The following HDAC9 variants were observed in gnomAD, a reference collection of about 807,000 sequenced individuals.
The protein encoded by HDAC9 is histone deacetylase 9.
In HDAC9, 41 loss-of-function variants were observed where a neutral mutation model predicts 139.4. That is an observed-to-expected ratio of 0.29 (90% CI 0.23 to 0.38). HDAC9 has a LOEUF of 0.38. Ranked by LOEUF, HDAC9 falls within the 10% of genes least tolerant of loss-of-function variation. HDAC9 has a pLI of 1.00. For missense variants in HDAC9, 1,147 were observed against 1,297.0 expected (o/e 0.88, Z 1.78); for synonymous variants, 517 against 476.2 (o/e 1.09, Z -1.12).
At chr7:18,261,390 G>T (rs1411929886) in intron 2 of HDAC9, among the ~76,000 whole-genome samples, 1 of 152,118 alleles carries the variant, frequency 6.6e-6, no homozygotes, top group Non-Finnish European at 1.5e-5. Context: ...ATGCTTCTGT[G>T]AATCCAGTAC....
intron 17 of HDAC9, among the ~76,000 whole-genome samples, chr7:18,796,176 T>C (rs538759173): frequency 6.6e-6 from 1 of 152,200 alleles, no homozygotes; most frequent in South Asian, 2.1e-4. Context: ...TGTGCCTGGA[T>C]ATAGTGTGGA....
intron 16 of HDAC9, among the ~76,000 whole-genome samples, chr7:18,789,311 GTC>G (rs562617790): frequency 1.4e-4 from 16 of 112,092 alleles, no homozygotes; most frequent in Non-Finnish European, 2.6e-4. Context: ...CACACACACA[GTC>G]TCTCTCTCTC....
At chr7:18,905,546 C>G (rs1228923164) in intron 22 of HDAC9, among the ~76,000 whole-genome samples, 2 of 152,090 alleles carry the variant, frequency 1.3e-5, no homozygotes, top group African/African-American at 4.8e-5. Context: ...AAGATTATTG[C>G]CACAGCTCAA....
intron 17 of HDAC9, among the ~76,000 whole-genome samples, chr7:18,817,780 T>C (rs1794682612): frequency 6.6e-6 from 1 of 152,212 alleles, no homozygotes; most frequent in Admixed American, 6.5e-5. Flanking sequence ...AGCATAGTCA[T>C]AGAAACTGCA....
At chr7:18,882,547 A>G (rs1799812456) in intron 22 of HDAC9, among the ~76,000 whole-genome samples, 1 of 152,078 alleles carries the variant, frequency 6.6e-6, no homozygotes, top group South Asian at 2.1e-4. Context: ...GAATTAAAGG[A>G]GAGTAAACAA....
At chr7:18,117,227 C>T (rs1334591374) in intron 1 of HDAC9, among the ~76,000 whole-genome samples, 1 of 152,006 alleles carries the variant, frequency 6.6e-6, no homozygotes, top group Non-Finnish European at 1.5e-5. Flanking sequence ...GTAGGGTGGC[C>T]TATCAATCCA....
chr7:18,648,754 G>C (rs757405827), intron 11 of HDAC9, 71 bp downstream of exon 11: 97 of 1,291,424 alleles, frequency 7.5e-5, no homozygotes, highest in Non-Finnish European at 1.0e-4. Flanking sequence ...CACTGATATG[G>C]GTGTCTAAGA....
intron 16 of HDAC9, among the ~76,000 whole-genome samples, chr7:18,781,341 C>T (rs1267868586): frequency 6.6e-6 from 1 of 152,004 alleles, no homozygotes; most frequent in Non-Finnish European, 1.5e-5. Context: ...AGCTCTTCAT[C>T]TCATCAACTA....
chr7:18,155,688 CTG>C (rs1376921231), intron 1 of HDAC9, among the ~76,000 whole-genome samples: 1 of 152,084 alleles, frequency 6.6e-6, no homozygotes, highest in East Asian at 1.9e-4. Flanking sequence ...AGCACAGAGA[CTG>C]TGTGTTAGAT....
rs117848747 is a variant in HDAC9, at chr7:18,319,374, T to A, written c.-42+28859T>A. ...AGTTTAAAATTAGGCACAATGTATCTACAAATAAAAGCTCATCTAGCAACC... is the reference window on the plus strand; with the variant it reads ...AGTTTAAAATTAGGCACAATGTATCAACAAATAAAAGCTCATCTAGCAACC... On this transcript the variant is annotated intron_variant, in intron 1 of 3. Transcript: ENST00000413509. Among the ~76,000 whole-genome samples the A allele has an allele frequency of 1.0e-3, 153 of 152,314 alleles. 1 individual carries two copies. The East Asian group carries it at 0.024, about 24-fold the overall frequency.
intron 3 of HDAC9, among the ~76,000 whole-genome samples, chr7:18,589,065 G>A (rs1830228309): frequency 6.6e-6 from 1 of 152,076 alleles, no homozygotes; most frequent in Non-Finnish European, 1.5e-5. Context: ...GAGGAAGTAT[G>A]GCTCCGAGTA....
chr7:18,981,285 G>A (rs1266382523), intron 25 of HDAC9, among the ~76,000 whole-genome samples: 1 of 152,098 alleles, frequency 6.6e-6, no homozygotes, highest in East Asian at 1.9e-4. Context: ...AAAATATCAA[G>A]TTCATTCACT....
At chr7:18,606,831 A>G (rs985237910) in intron 6 of HDAC9, among the ~76,000 whole-genome samples, 35 of 152,140 alleles carry the variant, frequency 2.3e-4, no homozygotes, top group Non-Finnish European at 8.8e-5. Context: ...AAACTAACAT[A>G]TCTGAAATCT....
intron 1 of HDAC9, among the ~76,000 whole-genome samples, chr7:18,371,953 G>A (rs988309004): frequency 1.3e-5 from 2 of 152,116 alleles, no homozygotes. Context: ...GGCTTCTCGA[G>A]GTAATGACAG....
chr7:18,399,196 C>G (rs898020116), intron 1 of HDAC9, among the ~76,000 whole-genome samples: 1 of 152,108 alleles, frequency 6.6e-6, no homozygotes. Context: ...TGAAAAATGA[C>G]TCTGCAGGTC....
chr7:18,880,169 A>G (rs1437769670), intron 22 of HDAC9, among the ~76,000 whole-genome samples: 2 of 152,124 alleles, frequency 1.3e-5, no homozygotes, highest in Non-Finnish European at 2.9e-5. Flanking sequence ...AGGTGCTGGC[A>G]AGGTTGCGGA....
At chr7:18,580,205 G>A (rs1827365840) in intron 2 of HDAC9, among the ~76,000 whole-genome samples, 1 of 152,106 alleles carries the variant, frequency 6.6e-6, no homozygotes, top group Non-Finnish European at 1.5e-5. Flanking sequence ...TAATTATTAT[G>A]AACACCTACA....
At chr7:18,561,545 AC>A (rs1250112215) in intron 2 of HDAC9, among the ~76,000 whole-genome samples, 5 of 152,198 alleles carry the variant, frequency 3.3e-5, no homozygotes, top group Non-Finnish European at 7.4e-5. Flanking sequence ...AACATAGAAT[AC>A]TTTTTACCCT....
chr7:18,305,974 C>A (rs687455), intron 1 of HDAC9, among the ~76,000 whole-genome samples: 2 of 151,934 alleles, frequency 1.3e-5, no homozygotes, highest in Non-Finnish European at 2.9e-5. Flanking sequence ...AATTTATTCC[C>A]GCCCTCAGCA....
Sources: gnomAD v4.1 joint callset for allele counts (sites outside exome capture counted in the v4.1 genomes callset) on GRCh38, gnomAD v4.1.1 for gene constraint, MANE v1.5 for transcripts, NCBI Gene and HGNC (gene_info 2026-07-23, HGNC 2026-07-21) for gene names.